The following TACC3 variants were observed in gnomAD, a reference collection of about 807,000 sequenced individuals.
TACC3 encodes the protein transforming acidic coiled-coil containing protein 3.
A neutral mutation model predicts 86.0 loss-of-function variants in TACC3; 52 were observed. The ratio of observed to expected loss-of-function variants is 0.60; its 90% CI spans 0.48 to 0.76. The LOEUF is 0.76. Among genes scored for constraint, TACC3 ranks in the 30% least tolerant of loss-of-function variants. The probability of loss-of-function intolerance (pLI) is 0.00; values close to 1 mark genes in which losing one functional copy is unlikely to be tolerated. For synonymous variants in TACC3, 512 were observed against 430.0 expected, an observed-to-expected ratio of 1.19 and a Z score of -2.36; for missense variants, 1,120 against 1,070.4, an observed-to-expected ratio of 1.05 and a Z score of -0.65.
intron 6 of TACC3, among the ~76,000 whole-genome samples, chr4:1,733,233 C>T (rs946194538): frequency 2.6e-5 from 4 of 152,128 alleles, no homozygotes; most frequent in Non-Finnish European, 4.4e-5. Context: ...AAGTGTCTGT[C>T]GAGATCCCTT....
chr4:1,728,144 G>A lies in TACC3; in HGVS notation c.742G>A (p.Ala248Thr), dbSNP rs1405455646. 21 of 1,611,550 alleles carry A rather than the reference G, an allele frequency of 1.3e-5. No individual in the cohort carries two copies. Among genetic ancestry groups the A allele is most frequent in the Non-Finnish European group, 1.7e-5 (20 of 1,179,388 alleles). Residue 248 changes from alanine (A) to threonine (T), a missense_variant, in exon 4 of 16, where the codon GCC (alanine) becomes ACC (threonine). Physicochemically the swap from Ala to Thr is moderately conservative, Grantham distance 58. Transcript: ENST00000313288. ...TGGGGTCTGTGCTCCCGCAGCAGTG[G>A]CCACTTCGCCTCCTGGTGCAATCCC... The part of the protein sequence containing the change: ...HGGVCAPAAV[A>T]TSPPGAIPKE...
chr4:1,722,115 C>T (rs1717414478), intron 1 of TACC3, among the ~76,000 whole-genome samples: 2 of 152,182 alleles, frequency 1.3e-5, no homozygotes, highest in Non-Finnish European at 2.9e-5. Flanking sequence ...CCACCTTCCC[C>T]CCGCACCGCA....
At chr4:1,737,526 C>G (rs979366665) in intron 9 of TACC3, 72 bp from the exon 10 acceptor site, 1 of 1,285,200 alleles carries the variant, frequency 7.8e-7, no homozygotes, top group African/African-American at 1.5e-5. Flanking sequence ...GTGGGCCTTT[C>G]CTCCCTCACA....
At chr4:1,740,805 G>A (rs182536045) in intron 12 of TACC3, 21 bp from the exon 13 acceptor site, 26 of 1,600,632 alleles carry the variant, frequency 1.6e-5, no homozygotes, top group Admixed American at 1.6e-4. Flanking sequence ...CATCCTGAAC[G>A]TTTGCTTTTC....
At chr4:1,733,423 A>G (rs190468645) in intron 6 of TACC3, among the ~76,000 whole-genome samples, 15 of 152,270 alleles carry the variant, frequency 9.9e-5, no homozygotes, top group African/African-American at 3.6e-4. Context: ...TGCGGGGCCG[A>G]GGCAGGATTG....
chr4:1,739,848 C>T, intron 11 of TACC3, 70 bp downstream of exon 11: 2 of 1,551,908 alleles, frequency 1.3e-6, no homozygotes, highest in Non-Finnish European at 1.8e-6. Context: ...ATCCCCCTCG[C>T]CATCCTTGTC....
At chr4:1,741,056 A>G (rs1718575783) in intron 13 of TACC3, 70 bp downstream of exon 13, 1 of 1,467,830 alleles carries the variant, frequency 6.8e-7, no homozygotes, top group Non-Finnish European at 9.2e-7. Flanking sequence ...CAGCGGGGCT[A>G]CAAGCTGCTG....
Position 1,739,965 on chromosome 4 carries a change from C to G in TACC3, c.2025C>G (p.Ile675Met), listed in dbSNP as rs765345068. The G allele has an allele frequency of 1.5e-5, 24 of 1,613,088 alleles. No homozygotes were observed. The East Asian group carries it at 4.5e-4, about 30-fold the overall frequency. ...LHGKNLELGK[I>M]MDRFEEVVYQ... The stretch of plus-strand genomic sequence containing the variant: ...GTCTGTTCTCCTCCCACAGGAAGAT[C>G]ATGGACAGGTTCGAAGAGGTTGTGT... Residue 675 changes from isoleucine to methionine, a missense_variant, in exon 12 of 16, where the codon ATC (isoleucine) becomes ATG (methionine). By Grantham distance (10) the Ile-to-Met change is conservative. Coordinates refer to ENST00000313288, the MANE Select transcript of TACC3 (RefSeq NM_006342.3).
chr4:1,733,839 G>T (rs1418817592), intron 6 of TACC3, among the ~76,000 whole-genome samples: 5 of 152,086 alleles, frequency 3.3e-5, no homozygotes, highest in African/African-American at 1.2e-4. Context: ...TTAGCTGGGT[G>T]TGTTGGCACA....
intron 1 of TACC3, 22 bp from the exon 2 acceptor site, chr4:1,723,399 C>T: frequency 1.2e-6 from 2 of 1,608,452 alleles, no homozygotes; most frequent in South Asian, 1.1e-5. Flanking sequence ...CACACTGACA[C>T]AAACATGTTC....
chr4:1,723,324 G>A, intron 1 of TACC3, 97 bp from the exon 2 acceptor site: 1 of 1,268,316 alleles, frequency 7.9e-7, no homozygotes. Flanking sequence ...ACCTGTGTGG[G>A]AAGTGGTCGT....
chr4:1,740,976 G>A lies in TACC3; in HGVS notation c.2213G>A (p.Gly738Asp). Residue 738 changes from glycine to aspartate, a missense_variant, in exon 13 of 16, where the codon GGC becomes GAC. Physicochemically the swap from Gly to Asp is moderately conservative, Grantham distance 94. Coordinates refer to ENST00000313288, the MANE Select transcript of TACC3 (RefSeq NM_006342.3). ...GAGAAACAGAAAGAGGTGATCGAGG[G>A]CTACCGCAAGGTATGTCTCCGCCAC... ...RFEKQKEVIEGYRKNEESLKK... is the reference protein window; with the variant it reads ...RFEKQKEVIEDYRKNEESLKK... The A allele has an allele frequency of 1.2e-6, 2 of 1,606,846 alleles. No homozygotes were observed. Among genetic ancestry groups the A allele is most frequent in the Non-Finnish European group, 1.7e-6 (2 of 1,178,136 alleles).
At chr4:1,733,509 T>A (rs28553325) in intron 6 of TACC3, among the ~76,000 whole-genome samples, 27,604 of 97,632 alleles carry the variant, frequency 0.28, 2,748 homozygotes, top group Non-Finnish European at 0.31. Context: ...CCTTTTTTTT[T>A]ATTACCTGGC....
intron 13 of TACC3, among the ~76,000 whole-genome samples, chr4:1,743,759 G>A (rs4865465): frequency 0.6 from 90,525 of 151,458 alleles, 27,369 homozygotes; most frequent in East Asian, 0.83. Flanking sequence ...GAGAGCTTCC[G>A]GATGCCGCCT....
chr4:1,744,643 C>G lies in TACC3; in HGVS notation c.2330+19C>G. 2.5e-6 allele frequency: 4 copies of G among 1,612,552 alleles called. No individual in the cohort carries two copies. On this transcript the variant is annotated intron_variant, in intron 14 of 15. Coordinates refer to ENST00000313288, the MANE Select transcript of TACC3 (RefSeq NM_006342.3). Reference sequence around the variant, plus strand: ...TGCAGCTGTGAGTGCTGGGCGAGGCCCCACCCTGGAGGGAGAATCTGAGCA... The same window carrying G: ...TGCAGCTGTGAGTGCTGGGCGAGGCGCCACCCTGGAGGGAGAATCTGAGCA...
rs1184473966 is a variant in TACC3, at chr4:1,721,543, G to A, written c.-102G>A. The A allele has an allele frequency of 6.6e-6, 1 of 152,144 alleles. No homozygotes were observed. The highest frequency in any genetic ancestry group is 1.9e-4 in the East Asian group (1 of 5,158). 9.4% of individuals were successfully genotyped at this position (152,144 alleles called of 1,614,324 possible). ...CATCAAGGGCTAGAAGCGCGACGGCGGTAGCAGCTAGGCTTGGCCCCCGGC... is the reference window on the plus strand; with the variant it reads ...CATCAAGGGCTAGAAGCGCGACGGCAGTAGCAGCTAGGCTTGGCCCCCGGC... On this transcript the variant is annotated 5_prime_UTR_variant, in exon 1 of 16. Coordinates refer to ENST00000313288, the MANE Select transcript of TACC3 (RefSeq NM_006342.3).
intron 12 of TACC3, chr4:1,740,332 T>G (rs552680733): frequency 2.1e-6 from 1 of 473,808 alleles, no homozygotes; most frequent in Non-Finnish European, 3.8e-6. Flanking sequence ...TGCGGCTATG[T>G]CTAGCAGCAG....
rs8389 is a variant in TACC3 at position 1,745,117 on chromosome 4, A to T, written c.*104A>T. On this transcript the variant is annotated 3_prime_UTR_variant, in exon 16 of 16. Transcript: ENST00000313288. ...TTTCTGTCTTGTCTTCAACTTTTTT[A>T]AAAACTAGATTGCTTTGAAAACATG... is the stretch of plus-strand genomic sequence containing the variant. The T allele has an allele frequency of 0.77, 896,159 of 1,159,232 alleles. 351,204 individuals are homozygous for T. Among genetic ancestry groups the T allele is most frequent in the East Asian group, 0.85 (32,745 of 38,584 alleles). The allele number at this position is 1,159,232 out of a possible 1,614,324, so 71.8% of individuals were successfully genotyped here. A position where few individuals can be genotyped will look rare whatever the true frequency, so the allele number is the denominator to read the frequency against.
intron 12 of TACC3, 131 bp from the exon 13 acceptor site, chr4:1,740,695 T>G: frequency 1.3e-6 from 1 of 762,860 alleles, no homozygotes; most frequent in South Asian, 1.7e-5. Context: ...CCCATCACCC[T>G]CCGAGGCTCA....
Sources: allele counts gnomAD v4.1 joint callset (sites outside exome capture counted in the v4.1 genomes callset), GRCh38; gene constraint gnomAD v4.1.1; transcripts MANE v1.5; gene names NCBI Gene and HGNC (gene_info 2026-07-23, HGNC 2026-07-21).